Variants in ZNF536 observed in about 807,000 individuals in gnomAD.
The protein encoded by ZNF536 is zinc finger protein 536.
Under a neutral mutation model 84.5 loss-of-function variants are expected in ZNF536, and 13 were observed. That is an observed-to-expected ratio of 0.15 (90% CI 0.10 to 0.24). The LOEUF (loss-of-function observed/expected upper bound fraction) is 0.24, where lower values mean the gene tolerates loss of function less well. Among genes scored for constraint, ZNF536 ranks in the 10% least tolerant of loss-of-function variants. The pLI is 1.00. For missense variants in ZNF536, 1,536 were observed against 1,747.5 expected, an observed-to-expected ratio of 0.88 and a Z score of 2.16; for synonymous variants, 811 against 742.5, an observed-to-expected ratio of 1.09 and a Z score of -1.50.
intron 2 of ZNF536, among the ~76,000 whole-genome samples, chr19:30,476,656 C>T (rs146089089): frequency 1.0e-3 from 159 of 152,314 alleles, no homozygotes; most frequent in African/African-American, 3.6e-3. Flanking sequence ...GGCTCACGGC[C>T]GCTTAGGCTT....
At chr19:30,623,231 A>G (rs1477002794) in intron 1 of ZNF536, among the ~76,000 whole-genome samples, 1 of 152,134 alleles carries the variant, frequency 6.6e-6, no homozygotes, top group Non-Finnish European at 1.5e-5. Flanking sequence ...CCACCCTGCC[A>G]TGAGATGGGC....
chr19:30,641,531 C>T (rs1187187431), intron 1 of ZNF536, among the ~76,000 whole-genome samples: 1 of 152,062 alleles, frequency 6.6e-6, no homozygotes, highest in Non-Finnish European at 1.5e-5. Flanking sequence ...GTTATTTACC[C>T]TATTGTTGAA....
At chr19:30,362,111 G>T (rs993667804) in intron 3 of ZNF536, among the ~76,000 whole-genome samples, 2 of 152,188 alleles carry the variant, frequency 1.3e-5, no homozygotes, top group Admixed American at 1.3e-4. Flanking sequence ...GATCTGGGTT[G>T]GATCTCAGTT....
chr19:30,375,582 C>G (rs1268525056), intron 1 of ZNF536, among the ~76,000 whole-genome samples: 1 of 152,196 alleles, frequency 6.6e-6, no homozygotes, highest in East Asian at 1.9e-4. Flanking sequence ...TGGGAGGTCC[C>G]GGGACTTGGG....
At chr19:30,286,456 G>C (rs1213570873) in intron 2 of ZNF536, among the ~76,000 whole-genome samples, 4 of 151,942 alleles carry the variant, frequency 2.6e-5, no homozygotes, top group Non-Finnish European at 5.9e-5. Flanking sequence ...GCTAGAGGGT[G>C]GGGGAGCAAG....
intron 1 of ZNF536, among the ~76,000 whole-genome samples, chr19:30,595,995 C>G (rs2047450606): frequency 1.3e-5 from 2 of 152,144 alleles, no homozygotes; most frequent in South Asian, 2.1e-4. Flanking sequence ...CCCCATGGAC[C>G]CCTCACTTTA....
At chr19:30,375,019 G>A (rs1053693354) in intron 1 of ZNF536, among the ~76,000 whole-genome samples, 2 of 151,890 alleles carry the variant, frequency 1.3e-5, no homozygotes, top group Non-Finnish European at 2.9e-5. Context: ...CTCTGGGAGC[G>A]GGGGAAGGTG....
At chr19:30,696,878 G>A (rs2051683748) in intron 1 of ZNF536, among the ~76,000 whole-genome samples, 2 of 152,190 alleles carry the variant, frequency 1.3e-5, no homozygotes, top group African/African-American at 4.8e-5. Flanking sequence ...AAGCTGCAGG[G>A]AGACAGCAAG....
intron 1 of ZNF536, among the ~76,000 whole-genome samples, chr19:30,280,271 C>T (rs1273776852): frequency 1.3e-5 from 2 of 151,968 alleles, no homozygotes; most frequent in African/African-American, 2.4e-5. Context: ...TGTTTTCCCT[C>T]CCACTTCCAT....
At chr19:30,697,827 G>A (rs2051727487) in intron 1 of ZNF536, among the ~76,000 whole-genome samples, 1 of 152,198 alleles carries the variant, frequency 6.6e-6, no homozygotes, top group Admixed American at 6.5e-5. Flanking sequence ...CCCTCCAGAA[G>A]TTTTCGTGTC....
At chr19:30,609,764 A>C (rs1299419688) in intron 1 of ZNF536, among the ~76,000 whole-genome samples, 1 of 105,772 alleles carries the variant, frequency 9.5e-6, no homozygotes, top group African/African-American at 3.8e-5. Context: ...CTATCCATCC[A>C]CCCATCTACC....
chr19:30,524,503 T>G (rs2044495010), intron 2 of ZNF536, among the ~76,000 whole-genome samples: 1 of 152,208 alleles, frequency 6.6e-6, no homozygotes, highest in Non-Finnish European at 1.5e-5. Flanking sequence ...TAAAAAAGAA[T>G]ATGGCAAGAC....
downstream of ZNF536, among the ~76,000 whole-genome samples, chr19:30,558,502 C>A (rs2046046985): frequency 6.6e-6 from 1 of 152,172 alleles, no homozygotes; most frequent in African/African-American, 2.4e-5. Context: ...TGAACATGTT[C>A]TTTTCATCCT....
intron 3 of ZNF536, among the ~76,000 whole-genome samples, chr19:30,362,579 A>G (rs1024634925): frequency 6.6e-6 from 1 of 152,040 alleles, no homozygotes; most frequent in Non-Finnish European, 1.5e-5. Context: ...TACTCCCACC[A>G]TGACTCATTT....
intron 3 of ZNF536, among the ~76,000 whole-genome samples, chr19:30,352,844 T>C (rs565747294): frequency 2.6e-5 from 4 of 152,344 alleles, no homozygotes; most frequent in East Asian, 1.9e-4. Flanking sequence ...TGGGGCTTCA[T>C]TGCAAAATCC....
intron 1 of ZNF536, among the ~76,000 whole-genome samples, chr19:30,390,164 A>AG (rs1374346146): frequency 2.6e-5 from 4 of 152,246 alleles, no homozygotes; most frequent in Admixed American, 6.5e-5. Flanking sequence ...GGTTAGCTGC[A>AG]GGGGGGTTAA....
At chr19:30,684,141 A>G (rs2051081504) in intron 1 of ZNF536, among the ~76,000 whole-genome samples, 2 of 152,012 alleles carry the variant, frequency 1.3e-5, no homozygotes, top group Non-Finnish European at 2.9e-5. Flanking sequence ...ACATATATAC[A>G]TATATATATT....
upstream of ZNF536, among the ~76,000 whole-genome samples, chr19:30,370,003 C>T (rs745682288): frequency 1.4e-4 from 22 of 152,166 alleles, no homozygotes; most frequent in Non-Finnish European, 2.1e-4. Context: ...AGCACTCTAA[C>T]GTGGATGGTG....
chr19:30,396,586 C>T (rs2049826321), intron 1 of ZNF536, among the ~76,000 whole-genome samples: 1 of 92,740 alleles, frequency 1.1e-5, no homozygotes, highest in Non-Finnish European at 2.1e-5. Flanking sequence ...TATGAGAGGG[C>T]TCTCTCTTTT....
Sources: allele counts gnomAD v4.1 joint callset (sites outside exome capture counted in the v4.1 genomes callset), GRCh38; gene constraint gnomAD v4.1.1; transcripts MANE v1.5; gene names NCBI Gene and HGNC (gene_info 2026-07-23, HGNC 2026-07-21).